EIF6: variants seen among roughly 807,000 people sequenced by gnomAD.
EIF6 encodes the protein B4 integrin interactor.
EIF6 carries 10 observed loss-of-function variants against 25.5 expected under a neutral mutation model. That is an observed-to-expected ratio of 0.39 (90% confidence interval 0.24 to 0.66). EIF6 has a LOEUF of 0.66. Among genes scored for constraint, EIF6 ranks in the 30% least tolerant of loss-of-function variants. The pLI is 0.45. For missense variants in EIF6, 246 were observed against 315.4 expected (o/e 0.78, Z 1.67); for synonymous variants, 122 against 122.6 (o/e 1.00, Z 0.03).
At position 35,284,479 on chromosome 20, in the gene EIF6, G is replaced by A. The variant is rs146617737; in HGVS notation, c.9C>T (p.Val3=). Residue 3 remains valine (V), a synonymous_variant, in exon 2 of 7, where the codon GTC becomes GTT. Transcript: ENST00000374450. Reference sequence around the variant, plus strand: ...CACAGTTGTTCTCGAACGAAGCTCGGACCGCCATGAGGCCTAGGGGCGGCG... The same window carrying A: ...CACAGTTGTTCTCGAACGAAGCTCGAACCGCCATGAGGCCTAGGGGCGGCG... MA[V]RASFENNCEI... 3 of 1,607,750 alleles carry A rather than the reference G, an allele frequency of 1.9e-6. No homozygotes were observed. In the East Asian group the frequency reaches 6.7e-5, roughly 36 times the overall value.
intron 3 of EIF6, among the ~76,000 whole-genome samples, chr20:35,283,576 G>T (rs756048576): frequency 1.1e-4 from 17 of 152,300 alleles, no homozygotes; most frequent in African/African-American, 1.7e-4. Flanking sequence ...AAGGTAAGAA[G>T]ATCACTTGAG....
chr20:35,279,169 G>A lies in EIF6; in HGVS notation c.*28C>T, dbSNP rs1328558521. On this transcript the variant is annotated 3_prime_UTR_variant, in exon 7 of 7. Transcript: ENST00000374450. The stretch of plus-strand genomic sequence containing the variant: ...AAGGTTGGCCACAGTCCAGAGCCAG[G>A]AGCCCATGGAACAACTTGGAAGGTG... The A allele has an allele frequency of 3.1e-5, 50 of 1,613,912 alleles. No homozygotes were observed. Among genetic ancestry groups the A allele is most frequent in the Non-Finnish European group, 4.0e-5 (47 of 1,179,860 alleles).
rs1387820284 is a variant in EIF6, at chr20:35,284,229, G to C, written c.140C>G (p.Pro47Arg). 1 of 1,608,712 alleles carries C rather than the reference G, an allele frequency of 6.2e-7. No individual in the cohort carries two copies. Among genetic ancestry groups the C allele is most frequent in the Non-Finnish European group, 8.5e-7 (1 of 1,177,200 alleles). The change falls in exon 3 of 7, where the codon CCC (proline) becomes CGC (arginine). Residue 47 changes from proline to arginine, a missense_variant. Coordinates refer to ENST00000374450, the MANE Select transcript of EIF6 (RefSeq NM_002212.4). ...VFEGELSDTI[P>R]VVHASIAGCR... ...GCCGGCGATAGACGCGTGCACCACG[G>C]GGATGGTATCGGAGAGCTCGCCCTC...
intron 3 of EIF6, among the ~76,000 whole-genome samples, chr20:35,282,875 G>C (rs575133747): frequency 2.0e-5 from 3 of 151,834 alleles, no homozygotes; most frequent in African/African-American, 7.2e-5. Flanking sequence ...CTCCCAAGCA[G>C]GCTTAAGATT....
In EIF6 at chr20:35,279,225, G is replaced by C. The variant is rs537414301; in HGVS notation, c.729-19C>G. ...GGTGAGGCTGAAGAGAAAGGAAAGC[G>C]CACGGTCAGTAGCTGTTTCACAGAG... On this transcript the variant is annotated intron_variant, in intron 6 of 6. Coordinates refer to ENST00000374450, the MANE Select transcript of EIF6 (RefSeq NM_002212.4). 6.2e-7 allele frequency: 1 copy of C among 1,612,948 alleles called. No homozygotes were observed. Among genetic ancestry groups the C allele is most frequent in the African/African-American group, 1.3e-5 (1 of 74,834 alleles).
intron 2 of EIF6, 46 bp from the exon 3 acceptor site, chr20:35,284,307 C>T: frequency 6.2e-7 from 1 of 1,613,900 alleles, no homozygotes. Context: ...GGGGCCGGCA[C>T]CCTCCCACTG....
In EIF6 at chr20:35,279,991, G is replaced by T; in HGVS notation, c.497C>A (p.Ser166Ter). The T allele has an allele frequency of 6.2e-7, 1 of 1,614,190 alleles. No homozygotes were observed. The highest frequency in any genetic ancestry group is 1.1e-5 in the South Asian group (1 of 91,078). The change falls in exon 5 of 7, where the codon TCA (serine) becomes TAA (stop). Residue 166 changes from serine to a stop codon, truncating the protein, a stop_gained. Coordinates refer to ENST00000374450, the MANE Select transcript of EIF6 (RefSeq NM_002212.4). LOFTEE classifies it high-confidence loss of function. ...GGACAGCTCATCCTGGTCTTCAATT[G>T]AAGTCTTGGGATGCACCAGCCCTCC... is the stretch of plus-strand genomic sequence containing the variant. ...NQGGLVHPKT[S>*]IEDQDELSSL...
intron 6 of EIF6, 68 bp downstream of exon 6, chr20:35,279,498 T>A: frequency 6.3e-7 from 1 of 1,580,240 alleles, no homozygotes; most frequent in Non-Finnish European, 8.6e-7. Context: ...ATGACATCTT[T>A]TCCCCATACT....
At chr20:35,280,947 CAG>C (rs2060769707) in intron 3 of EIF6, 118 bp from the exon 4 acceptor site, 5 of 1,210,604 alleles carry the variant, frequency 4.1e-6, no homozygotes, top group Non-Finnish European at 5.8e-6. Flanking sequence ...GCCCAGAGCC[CAG>C]CCCTCCAACC....
chr20:35,283,526 A>T (rs917550343), intron 3 of EIF6, among the ~76,000 whole-genome samples: 1 of 152,222 alleles, frequency 6.6e-6, no homozygotes, highest in East Asian at 1.9e-4. Flanking sequence ...TCGGCTGGGT[A>T]TAGTGGCTCT....
In EIF6 at chr20:35,280,762, G is replaced by T; in HGVS notation, c.261C>A (p.Ser87Arg). Reference protein sequence around the residue: ...TDQELQHIRNSLPDTVQIRRV... With the variant: ...TDQELQHIRNRLPDTVQIRRV... ...GCCTAATCTGCACTGTGTCTGGGAG[G>T]CTGTTGCGAATGTGTTGCAGCTCCT... The change falls in exon 4 of 7, where the codon AGC becomes AGA. Residue 87 changes from serine (S) to arginine (R), a missense_variant. By Grantham distance (110) the Ser-to-Arg change is moderately radical. Transcript: ENST00000374450. 3.7e-6 allele frequency: 6 copies of T among 1,614,138 alleles called. No individual in the cohort carries two copies. The highest frequency in any genetic ancestry group is 5.1e-6 in the Non-Finnish European group (6 of 1,180,016).
intron 3 of EIF6, among the ~76,000 whole-genome samples, chr20:35,282,882 G>A (rs900150494): frequency 2.0e-5 from 3 of 151,884 alleles, no homozygotes; most frequent in African/African-American, 7.3e-5. Context: ...GCAGGCTTAA[G>A]ATTTTTAAAA....
chr20:35,279,367 G>A (rs962711855), intron 6 of EIF6, among the ~76,000 whole-genome samples, 161 bp from the exon 7 acceptor site: 5 of 152,166 alleles, frequency 3.3e-5, no homozygotes, highest in Non-Finnish European at 7.3e-5. Flanking sequence ...ACAAAGATGA[G>A]GATTAGCAGA....
At chr20:35,280,514 C>A (rs1011389685) in intron 4 of EIF6, 140 bp downstream of exon 4, 1 of 1,023,926 alleles carries the variant, frequency 9.8e-7, no homozygotes. Flanking sequence ...TATCACTATT[C>A]CAATGAGTAC....
At chr20:35,279,879 T>C in intron 5 of EIF6, 63 bp downstream of exon 5, 1 of 1,591,968 alleles carries the variant, frequency 6.3e-7, no homozygotes, top group Non-Finnish European at 8.6e-7. Flanking sequence ...TGACCCAGAC[T>C]CCCAAACACT....
intron 2 of EIF6, 59 bp downstream of exon 2, chr20:35,284,322 A>G (rs545908639): frequency 3.1e-6 from 5 of 1,613,646 alleles, no homozygotes; most frequent in Non-Finnish European, 3.4e-6. Flanking sequence ...CCACTGCCGG[A>G]GCTCTTGACT....
chr20:35,279,214 G>A lies in EIF6; in HGVS notation c.729-8C>T. 6.2e-7 allele frequency: 1 copy of A among 1,613,768 alleles called. No individual in the cohort carries two copies. Among genetic ancestry groups the A allele is most frequent in the Non-Finnish European group, 8.5e-7 (1 of 1,179,852 alleles). On this transcript the variant is annotated splice_region_variant and splice_polypyrimidine_tract_variant and intron_variant, in intron 6 of 6. Transcript: ENST00000374450. ...AAGGTGACTCAGGTGAGGCTGAAGA[G>A]AAAGGAAAGCGCACGGTCAGTAGCT... is the stretch of plus-strand genomic sequence containing the variant.
At chr20:35,280,525 C>T (rs975027419) in intron 4 of EIF6, 129 bp downstream of exon 4, 10 of 1,132,036 alleles carry the variant, frequency 8.8e-6, no homozygotes, top group African/African-American at 7.8e-5. Context: ...CAATGAGTAC[C>T]TGAAACTCAA....
chr20:35,282,259 G>A (rs2060781911), intron 3 of EIF6, among the ~76,000 whole-genome samples: 1 of 152,238 alleles, frequency 6.6e-6, no homozygotes, highest in Admixed American at 6.5e-5. Context: ...AGAGTGCTGG[G>A]ATTACAGGCG....
Sources: gnomAD v4.1 joint callset for allele counts (sites outside exome capture counted in the v4.1 genomes callset) on GRCh38, gnomAD v4.1.1 for gene constraint, MANE v1.5 for transcripts, NCBI Gene and HGNC (gene_info 2026-07-23, HGNC 2026-07-21) for gene names.